The following SLC7A5 variants were observed in gnomAD, a reference collection of about 807,000 sequenced individuals.
SLC7A5 encodes large neutral amino acids transporter small subunit 1.
A neutral mutation model predicts 50.2 loss-of-function variants in SLC7A5; 23 were observed. The observed-to-expected ratio is 0.46, with a 90% confidence interval of 0.33 to 0.65. SLC7A5 has a LOEUF of 0.65. SLC7A5 is among the 30% of genes least tolerant of loss of function. The pLI is 0.02. For synonymous variants in SLC7A5, 393 were observed against 330.6 expected, an observed-to-expected ratio of 1.19 and a Z score of -2.05; for missense variants, 578 against 684.4, an observed-to-expected ratio of 0.84 and a Z score of 1.73.
intron 1 of SLC7A5, among the ~76,000 whole-genome samples, chr16:87,858,712 A>G (rs904984636): frequency 2.0e-5 from 3 of 152,182 alleles, no homozygotes; most frequent in African/African-American, 7.2e-5. Context: ...GTCAAAGAGA[A>G]GCACCAAGTC....
intron 1 of SLC7A5, among the ~76,000 whole-genome samples, chr16:87,857,336 C>T (rs990992609): frequency 3.9e-5 from 6 of 152,184 alleles, no homozygotes; most frequent in Admixed American, 6.5e-5. Flanking sequence ...CATTCTCTCA[C>T]ATCTACCTCC....
At chr16:87,865,327 CATT>C (rs1485946810) in intron 1 of SLC7A5, among the ~76,000 whole-genome samples, 1 of 152,186 alleles carries the variant, frequency 6.6e-6, no homozygotes, top group African/African-American at 2.4e-5. Flanking sequence ...ACCCTATTAA[CATT>C]AACCCTCACC....
intron 1 of SLC7A5, among the ~76,000 whole-genome samples, chr16:87,854,856 G>T (rs2055295264): frequency 6.6e-6 from 1 of 152,202 alleles, no homozygotes; most frequent in Admixed American, 6.5e-5. Flanking sequence ...GGGGTGCCTT[G>T]GGGGCAGTGC....
At position 87,830,283 on chromosome 16, in the gene SLC7A5, A is replaced by T. The variant is rs1188890998; in HGVS notation, c.*2687T>A. The T allele has an allele frequency of 6.6e-6, 1 of 152,274 alleles. No individual in the cohort carries two copies. Among genetic ancestry groups the T allele is most frequent in the Non-Finnish European group, 1.5e-5 (1 of 68,056 alleles). 9.4% of individuals were successfully genotyped at this position (152,274 alleles called of 1,614,324 possible). On this transcript the variant is annotated 3_prime_UTR_variant, in exon 10 of 10. Coordinates refer to ENST00000261622, the MANE Select transcript of SLC7A5 (RefSeq NM_003486.7). ...AGCAAGGCTGAGCATGACCACTGGA[A>T]ATAAATAAACATGGTGCCGACAGCA...
In SLC7A5 at chr16:87,839,585, C is replaced by T. The variant is rs529208785; in HGVS notation, c.939+117G>A. ...TCCGGGTAGGGGAGGCTTAGAGACG[C>T]GGGGCCCCCTCTGCGTAGGGGAGGC... On this transcript the variant is annotated intron_variant, in intron 5 of 9. Transcript: ENST00000261622. 116 of 1,486,574 alleles carry T rather than the reference C, an allele frequency of 7.8e-5. No homozygotes were observed. The East Asian group carries it at 2.0e-3, about 25-fold the overall frequency. The allele number at this position is 1,486,574 out of a possible 1,614,324, so 92.1% of individuals were successfully genotyped here.
intron 1 of SLC7A5, among the ~76,000 whole-genome samples, chr16:87,867,067 G>A (rs917755932): frequency 2.0e-5 from 3 of 151,584 alleles, no homozygotes; most frequent in South Asian, 2.1e-4. Context: ...TTACAGGCGT[G>A]AGCCACTCTG....
intron 9 of SLC7A5, 24 bp downstream of exon 9, chr16:87,834,390 G>C: frequency 6.4e-7 from 1 of 1,550,752 alleles, no homozygotes; most frequent in Non-Finnish European, 8.7e-7. Context: ...GGTACCACGG[G>C]CTGTGGGCCA....
rs747616945 is a variant in SLC7A5 at position 87,853,421 on chromosome 16, T to C, written c.539-1572A>G. On this transcript the variant is annotated intron_variant, in intron 1 of 9. Coordinates refer to ENST00000261622, the MANE Select transcript of SLC7A5 (RefSeq NM_003486.7). This position sits in a 1 kb window ranked among gnomAD's most constrained non-coding sequence, Gnocchi z 4.4. ...CTGAAAGTCAGTGTTTTCGCTGCTA[T>C]TCCTAAAATAAAATACTTGAAATTC... is the stretch of plus-strand genomic sequence containing the variant. 1.3e-5 allele frequency among the ~76,000 whole-genome samples: 2 copies of C among 152,182 alleles called. No homozygotes were observed. Among genetic ancestry groups the C allele is most frequent in the Non-Finnish European group, 2.9e-5 (2 of 68,042 alleles).
chr16:87,839,328 T>C (rs1011649626), intron 5 of SLC7A5, among the ~76,000 whole-genome samples: 3 of 152,228 alleles, frequency 2.0e-5, no homozygotes, highest in African/African-American at 7.2e-5. Flanking sequence ...GCAGCAGCCG[T>C]GCCTTCTAAC....
At position 87,862,754 on chromosome 16, in the gene SLC7A5, A is replaced by G. The variant is rs1484383217; in HGVS notation, c.538+6131T>C. 6.6e-6 allele frequency among the ~76,000 whole-genome samples: 1 copy of G among 152,232 alleles called. No individual in the cohort carries two copies. Among genetic ancestry groups the G allele is most frequent in the Admixed American group, 6.5e-5 (1 of 15,284 alleles). On this transcript the variant is annotated intron_variant, in intron 1 of 9. Transcript: ENST00000261622. The surrounding 1 kb of genome is among the most constrained non-coding windows in gnomAD (Gnocchi z 5.3). ...GGCGCTGGGGCCAATCCCATTCCACAGTCAGAAACAGGCTCGGCGGGGCCA... is the reference window on the plus strand; with the variant it reads ...GGCGCTGGGGCCAATCCCATTCCACGGTCAGAAACAGGCTCGGCGGGGCCA...
chr16:87,839,853 C>A (rs765173015), intron 4 of SLC7A5, 28 bp from the exon 5 acceptor site: 1 of 1,612,966 alleles, frequency 6.2e-7, no homozygotes, highest in Non-Finnish European at 8.5e-7. Context: ...GACATGTCAC[C>A]CAACGCAGCC....
intron 1 of SLC7A5, among the ~76,000 whole-genome samples, chr16:87,856,127 T>A (rs2143806085): frequency 6.6e-6 from 1 of 152,164 alleles, no homozygotes; most frequent in East Asian, 1.9e-4. Context: ...CAGGCAGGCA[T>A]CCTGCAGTCC....
At position 87,830,144 on chromosome 16, in the gene SLC7A5, C is replaced by T. The variant is rs529818513; in HGVS notation, c.*2826G>A. 1 of 152,318 alleles carries T rather than the reference C, an allele frequency of 6.6e-6. No homozygotes were observed. Among genetic ancestry groups the T allele is most frequent in the African/African-American group, 2.4e-5 (1 of 41,576 alleles). The allele number at this position is 152,318 out of a possible 1,614,324, so 9.4% of individuals were successfully genotyped here. A position where few individuals can be genotyped will look rare whatever the true frequency, so the allele number is the denominator to read the frequency against. The stretch of plus-strand genomic sequence containing the variant: ...CAGAATAAAGAAGGTCCCAGCCACA[C>T]ACGTCATTACTCGGCAGAGGGTGTC... On this transcript the variant is annotated 3_prime_UTR_variant, in exon 10 of 10. Coordinates refer to ENST00000261622, the MANE Select transcript of SLC7A5 (RefSeq NM_003486.7).
At chr16:87,867,557 T>TC (rs1242456595) in intron 1 of SLC7A5, among the ~76,000 whole-genome samples, 4 of 140,244 alleles carry the variant, frequency 2.9e-5, no homozygotes, top group Admixed American at 2.1e-4. Flanking sequence ...TGCCTCCCCC[T>TC]CCCCCTCCCC....
intron 1 of SLC7A5, among the ~76,000 whole-genome samples, chr16:87,866,217 A>T (rs2055458770): frequency 6.6e-6 from 1 of 151,978 alleles, no homozygotes; most frequent in Admixed American, 6.6e-5. Flanking sequence ...TTTAGGCTTT[A>T]AAAAAAAGGT....
chr16:87,866,967 T>C, intron 1 of SLC7A5, among the ~76,000 whole-genome samples: 1 of 151,880 alleles, frequency 6.6e-6, no homozygotes, highest in East Asian at 1.9e-4. Flanking sequence ...AGGCTTGCTC[T>C]GTCACCCAGA....
chr16:87,838,079 C>T lies in SLC7A5; in HGVS notation c.1044-138G>A, dbSNP rs988840227. 6.9e-6 allele frequency: 5 copies of T among 728,864 alleles called. No homozygotes were observed. In the Admixed American group the frequency reaches 1.0e-4, roughly 15 times the overall value. The allele number at this position is 728,864 out of a possible 1,614,324, so 45.1% of individuals were successfully genotyped here. On this transcript the variant is annotated intron_variant, in intron 6 of 9. Coordinates refer to ENST00000261622, the MANE Select transcript of SLC7A5 (RefSeq NM_003486.7). ...TCTGGCCACAGTGGGAACCAGGCCC[C>T]TCCAGCCGCTGGCTGTGGGCCTCTC...
chr16:87,866,992 C>A (rs1336037730), intron 1 of SLC7A5, among the ~76,000 whole-genome samples: 1 of 151,400 alleles, frequency 6.6e-6, no homozygotes, highest in Non-Finnish European at 1.5e-5. Flanking sequence ...AGTGCAGTGG[C>A]GGGATCTCAA....
Position 87,839,735 on chromosome 16 carries a change from G to A in SLC7A5, c.906C>T (p.Thr302=), listed in dbSNP as rs373954590. 60 of 1,613,674 alleles carry A rather than the reference G, an allele frequency of 3.7e-5. No homozygotes were observed. Among genetic ancestry groups the A allele is most frequent in the South Asian group, 3.3e-4 (30 of 91,082 alleles). ...TNLAYFTTLS[T]EQMLSSEAVA... ...CGGCCTCGGACGACAGCATCTGCTC[G>A]GTGGACAGGGTGGTGAAGTAGGCCA... Residue 302 remains threonine (T), a synonymous_variant, in exon 5 of 10, where the codon ACC becomes ACT. Coordinates refer to ENST00000261622, the MANE Select transcript of SLC7A5 (RefSeq NM_003486.7).
Sources: gnomAD v4.1 joint callset for allele counts (sites outside exome capture counted in the v4.1 genomes callset) on GRCh38, gnomAD v4.1.1 for gene constraint, Gnocchi (gnomAD v3.1) non-coding constraint, MANE v1.5 for transcripts, NCBI Gene and HGNC (gene_info 2026-07-23, HGNC 2026-07-21) for gene names.